Variants in ECHDC2 observed in about 807,000 individuals in gnomAD.
ECHDC2 encodes enoyl-CoA hydratase domain-containing protein 2, mitochondrial.
ECHDC2 carries 34 observed loss-of-function variants against 40.6 expected under a neutral mutation model. The observed-to-expected ratio is 0.84, with a 90% CI of 0.64 to 1.11. The LOEUF (loss-of-function observed/expected upper bound fraction) is 1.11. Among genes scored for constraint, ECHDC2 ranks in the 50% most tolerant of loss-of-function variants. The pLI is 0.00. For missense variants in ECHDC2, 392 were observed against 400.7 expected, an observed-to-expected ratio of 0.98 and a Z score of 0.19; for synonymous variants, 162 against 166.6, an observed-to-expected ratio of 0.97 and a Z score of 0.21.
At position 52,907,718 on chromosome 1, in the gene ECHDC2, ATCC is replaced by A. The variant is rs1262921079; in HGVS notation, c.364+147_364+149del. 9 of 655,942 alleles carry A rather than the reference ATCC, an allele frequency of 1.4e-5. No individual in the cohort carries two copies. In the East Asian group the frequency reaches 2.0e-4, roughly 15 times the overall value. The allele number at this position is 655,942 out of a possible 1,614,324, so 40.6% of individuals were successfully genotyped here. A position where few individuals can be genotyped will look rare whatever the true frequency, so the allele number is the denominator to read the frequency against. Reference sequence around the variant, plus strand: ...CTCTCTGAGAGAACTGCCCTCGGTCATCCTCCTCCATCCCCCTGGGTGAGTCAT... The same window carrying A: ...CTCTCTGAGAGAACTGCCCTCGGTCATCCTCCATCCCCCTGGGTGAGTCAT... On this transcript the variant is annotated intron_variant, in intron 4 of 9. Coordinates refer to ENST00000371522, the MANE Select transcript of ECHDC2 (RefSeq NM_001198961.2).
At position 52,907,969 on chromosome 1, in the gene ECHDC2, G is replaced by A. The variant is rs1194136861; in HGVS notation, c.278-15C>T. On this transcript the variant is annotated splice_polypyrimidine_tract_variant and intron_variant, in intron 3 of 9. Transcript: ENST00000371522. ...CAGGTCTGCACCTGCAGATGGCGAG[G>A]GTTGGTACCAGCCCTTAGGAAAATG... 2.5e-6 allele frequency: 4 copies of A among 1,613,304 alleles called. No individual in the cohort carries two copies. The highest frequency in any genetic ancestry group is 3.4e-6 in the Non-Finnish European group (4 of 1,179,350).
At chr1:52,913,788 TAC>T (rs1199568111) in intron 1 of ECHDC2, 1 of 366,892 alleles carries the variant, frequency 2.7e-6, no homozygotes, top group Non-Finnish European at 4.0e-6. Flanking sequence ...GGCCCTAGTG[TAC>T]ACTGGGGTTC....
chr1:52,908,153 G>A (rs1422432318), intron 3 of ECHDC2, among the ~76,000 whole-genome samples, 199 bp from the exon 4 acceptor site: 2 of 152,104 alleles, frequency 1.3e-5, no homozygotes, highest in Non-Finnish European at 2.9e-5. Context: ...AAGGTGAACT[G>A]GACTCCATCA....
intron 9 of ECHDC2, 77 bp downstream of exon 9, chr1:52,897,360 G>C: frequency 7.2e-7 from 1 of 1,392,860 alleles, no homozygotes. Context: ...TTCTAAAATT[G>C]GTCATGTACC....
At chr1:52,921,294 C>T in intron 1 of ECHDC2, 2 of 727,134 alleles carry the variant, frequency 2.8e-6, no homozygotes, top group Non-Finnish European at 2.0e-6. Flanking sequence ...CCCGCTCCCC[C>T]TTCCACACAG....
chr1:52,896,712 C>T, intron 9 of ECHDC2, 115 bp from the exon 10 acceptor site: 1 of 837,252 alleles, frequency 1.2e-6, no homozygotes, highest in South Asian at 1.4e-5. Flanking sequence ...TCCATTGTCT[C>T]TGGACTCTGA....
intron 8 of ECHDC2, chr1:52,897,882 A>G (rs575708302): frequency 5.2e-5 from 15 of 289,444 alleles, no homozygotes; most frequent in African/African-American, 1.1e-4. Flanking sequence ...TAGTATCCCT[A>G]TTCTACAGCT....
intron 5 of ECHDC2, 147 bp from the exon 6 acceptor site, chr1:52,905,237 C>T (rs1647479554): frequency 7.5e-6 from 6 of 798,666 alleles, no homozygotes; most frequent in Non-Finnish European, 1.2e-5. Flanking sequence ...CCAGACTCTG[C>T]CTTTGGAAGA....
intron 1 of ECHDC2, chr1:52,915,183 A>G (rs749999291): frequency 2.2e-6 from 1 of 455,728 alleles, no homozygotes; most frequent in Non-Finnish European, 4.4e-6. Flanking sequence ...CAGGATGGAC[A>G]TTTCAGGTCT....
intron 1 of ECHDC2, among the ~76,000 whole-genome samples, chr1:52,918,855 A>G (rs1318252530): frequency 6.6e-6 from 1 of 151,902 alleles, no homozygotes; most frequent in Non-Finnish European, 1.5e-5. Context: ...GGGGTCCCCA[A>G]CCCCCGGGCT....
chr1:52,906,262 T>C, intron 5 of ECHDC2: 3 of 542,390 alleles, frequency 5.5e-6, no homozygotes, highest in Non-Finnish European at 1.0e-5. Context: ...GTAACAGCAA[T>C]TGCTCTGAGG....
intron 1 of ECHDC2, among the ~76,000 whole-genome samples, chr1:52,918,503 T>A (rs1413650805): frequency 6.6e-6 from 1 of 151,974 alleles, no homozygotes; most frequent in African/African-American, 2.4e-5. Context: ...TGGGACAAGA[T>A]GTGGAGGTGG....
chr1:52,918,860 C>CG lies in ECHDC2; in HGVS notation c.121+2692dup, dbSNP rs148193125. Among the ~76,000 whole-genome samples the CG allele has an allele frequency of 3.4e-3, 515 of 152,182 alleles. 2 individuals are homozygous for CG. Among genetic ancestry groups the CG allele is most frequent in the African/African-American group, 0.012 (492 of 41,512 alleles). On this transcript the variant is annotated intron_variant, in intron 1 of 9. Transcript: ENST00000371522. The stretch of plus-strand genomic sequence containing the variant: ...TCCTAGGCCAGGGGTCCCCAACCCC[C>CG]GGGCTGTGGACCCATCCCAGTCTGT...
Position 52,897,459 on chromosome 1 carries a change from A to G in ECHDC2, c.779T>C (p.Ile260Thr), listed in dbSNP as rs1199969271. ...TACCTGGGCATAGCACATCCCTTCA[A>G]TGGCCATCCCAGATGCAATGTCCAC... Reference protein sequence around the residue: ...TEVDIASGMAIEGMCYAQNIP... With the variant: ...TEVDIASGMATEGMCYAQNIP... Residue 260 changes from isoleucine to threonine, a missense_variant, in exon 9 of 10, where the codon ATT (isoleucine) becomes ACT (threonine). Physicochemically the swap from Ile to Thr is moderately conservative, Grantham distance 89 (BLOSUM62 -1). Coordinates refer to ENST00000371522, the MANE Select transcript of ECHDC2 (RefSeq NM_001198961.2). 3.1e-6 allele frequency: 5 copies of G among 1,614,070 alleles called. No individual in the cohort carries two copies. In the African/African-American group the frequency reaches 6.7e-5, roughly 22 times the overall value.
intron 3 of ECHDC2, 134 bp downstream of exon 3, chr1:52,911,432 C>T (rs1649459939): frequency 2.4e-6 from 2 of 837,030 alleles, no homozygotes; most frequent in Admixed American, 4.5e-5. Flanking sequence ...ATTTTCCTCC[C>T]TGAGTCTCTG....
intron 3 of ECHDC2, among the ~76,000 whole-genome samples, chr1:52,910,370 T>G (rs1649143467): frequency 8.7e-6 from 1 of 115,266 alleles, no homozygotes; most frequent in Non-Finnish European, 1.8e-5. Flanking sequence ...TTTTTTTTTT[T>G]TTTTTTTTTT....
At chr1:52,911,882 TG>T in intron 1 of ECHDC2, 92 bp from the exon 2 acceptor site, 2 of 1,555,040 alleles carry the variant, frequency 1.3e-6, no homozygotes, top group Non-Finnish European at 8.7e-7. Flanking sequence ...GCCTGGGATC[TG>T]GGGAGCCTCT....
chr1:52,919,582 G>A (rs1651448337), intron 1 of ECHDC2, among the ~76,000 whole-genome samples: 1 of 152,192 alleles, frequency 6.6e-6, no homozygotes, highest in Non-Finnish European at 1.5e-5. Flanking sequence ...AGCAACACAT[G>A]ACTCTATGAG....
Position 52,904,687 on chromosome 1 carries a change from A to G in ECHDC2, c.661T>C (p.Tyr221His). ...TGGGCCAGTGCTCGTGCCCGCTGGT[A>G]GGCGGCGTCCCCCTCCTCGTTCTGG... Reference protein sequence around the residue: ...VAQNEEGDAAYQRARALAQEI... With the variant: ...VAQNEEGDAAHQRARALAQEI... The change falls in exon 7 of 10, where the codon TAC (tyrosine) becomes CAC (histidine). Residue 221 changes from tyrosine (Y) to histidine (H), a missense_variant. Transcript: ENST00000371522. The G allele has an allele frequency of 1.2e-6, 2 of 1,610,710 alleles. No homozygotes were observed. The highest frequency in any genetic ancestry group is 3.3e-4 in the Middle Eastern group (2 of 6,042).
Sources: allele counts gnomAD v4.1 joint callset (sites outside exome capture counted in the v4.1 genomes callset), GRCh38; gene constraint gnomAD v4.1.1; transcripts MANE v1.5; gene names NCBI Gene and HGNC (gene_info 2026-07-23, HGNC 2026-07-21).